Variants in TMEM18 observed in about 807,000 individuals in gnomAD.
TMEM18 encodes transmembrane protein 18.
In TMEM18, 14 loss-of-function variants were observed where a neutral mutation model predicts 17.4. The observed-to-expected ratio is 0.80, with a 90% CI of 0.53 to 1.25. The LOEUF is 1.25. Among genes scored for constraint, TMEM18 ranks in the 50% most tolerant of loss-of-function variants. The probability of loss-of-function intolerance (pLI) is 0.00; values close to 1 mark genes in which losing one functional copy is unlikely to be tolerated. For synonymous variants in TMEM18, 86 were observed against 66.1 expected (o/e 1.30, Z -1.46); for missense variants, 187 against 172.1 (o/e 1.09, Z -0.48).
rs145340899 is a variant in TMEM18 at position 669,841 on chromosome 2, C to T, written c.243G>A (p.Ser81=). The T allele has an allele frequency of 9.3e-5, 150 of 1,609,938 alleles. No individual in the cohort carries two copies. Among genetic ancestry groups the T allele is most frequent in the Admixed American group, 1.4e-4 (8 of 59,142 alleles). Residue 81 remains serine (S), a synonymous_variant, in exon 4 of 5, where the codon TCG becomes TCA. Transcript: ENST00000281017. The stretch of plus-strand genomic sequence containing the variant: ...CCCTGGAGTCGAAATACTGGTATTT[C>T]GAAAATAATCTGTTTAAAAAACAAA... ...EAAAMNWRLF[S]KYQYFDSRGM...
chr2:677,300 C>G lies in TMEM18; in HGVS notation c.46G>C (p.Ala16Pro). 6.2e-7 allele frequency: 1 copy of G among 1,612,078 alleles called. No individual in the cohort carries two copies. The highest frequency in any genetic ancestry group is 8.5e-7 in the Non-Finnish European group (1 of 1,179,748). ...SVSSFPVSIP[A>P]VLTQTDWTEP... ...GGGCCGCGAGTTACCGTGAGCACGGCTGGGATGCTGACGGGGAAAGAGCTG... is the reference window on the plus strand; with the variant it reads ...GGGCCGCGAGTTACCGTGAGCACGGGTGGGATGCTGACGGGGAAAGAGCTG... The change falls in exon 1 of 5, where the codon GCC becomes CCC. Residue 16 changes from alanine to proline, a missense_variant. Transcript: ENST00000281017.
rs1303198433 is a variant in TMEM18, at chr2:669,428, A to AGT, written c.*150_*151dup. On this transcript the variant is annotated 3_prime_UTR_variant, in exon 5 of 5. Transcript: ENST00000281017. The stretch of plus-strand genomic sequence containing the variant: ...CAGTGCTGGCTGAAAAGCCAACTTC[A>AGT]GTGTGTGCCCTACCACTGTGGATAT... The AGT allele has an allele frequency of 1.3e-6, 1 of 777,912 alleles. No individual in the cohort carries two copies. The highest frequency in any genetic ancestry group is 2.2e-6 in the Non-Finnish European group (1 of 463,534). The allele number at this position is 777,912 out of a possible 1,614,324, so 48.2% of individuals were successfully genotyped here.
rs1490992799 is a variant in TMEM18 at position 668,971 on chromosome 2, G to GC, written c.*608dup. 1 of 152,364 alleles carries GC rather than the reference G, an allele frequency of 6.6e-6. No individual in the cohort carries two copies. The highest frequency in any genetic ancestry group is 2.4e-5 in the African/African-American group (1 of 41,454). The allele number at this position is 152,364 out of a possible 1,614,324, so 9.4% of individuals were successfully genotyped here. ...AAGAGCTTCCTTCCAAGGTCTCTCTGCCCCAGCACAGCTGACATTTCATGT... is the reference window on the plus strand; with the variant it reads ...AAGAGCTTCCTTCCAAGGTCTCTCTGCCCCCAGCACAGCTGACATTTCATGT... On this transcript the variant is annotated 3_prime_UTR_variant, in exon 5 of 5. Coordinates refer to ENST00000281017, the MANE Select transcript of TMEM18 (RefSeq NM_152834.4).
rs1429856745 is a variant in TMEM18, at chr2:665,878, AC to A, written c.*3701del. On this transcript the variant is annotated 3_prime_UTR_variant, in exon 5 of 5. Coordinates refer to ENST00000281017, the MANE Select transcript of TMEM18 (RefSeq NM_152834.4). ...CCCCACTCACTCAGATGGAGCATCA[AC>A]CCCACACACAACAGGACTCATGGAG... Among the ~76,000 whole-genome samples, 2 of 152,148 alleles carry A rather than the reference AC, an allele frequency of 1.3e-5. No individual in the cohort carries two copies. The highest frequency in any genetic ancestry group is 4.8e-5 in the African/African-American group (2 of 41,406).
chr2:676,252 C>T, intron 1 of TMEM18: 1 of 1,430,168 alleles, frequency 7.0e-7, no homozygotes, highest in East Asian at 3.3e-5. Context: ...GGGACAGTGT[C>T]TGGCTCAGGG....
chr2:676,432 C>T, intron 1 of TMEM18: 1 of 1,320,782 alleles, frequency 7.6e-7, no homozygotes, highest in Non-Finnish European at 1.0e-6. Context: ...GCTGCAGCCC[C>T]GCCCTGCCCT....
Position 675,821 on chromosome 2 carries a change from C to A in TMEM18, c.58-191G>T, listed in dbSNP as rs1409215735. On this transcript the variant is annotated intron_variant, in intron 1 of 4. Coordinates refer to ENST00000281017, the MANE Select transcript of TMEM18 (RefSeq NM_152834.4). ...TGGGGACAGGAAAGGGAGAAGGAAC[C>A]AGGAGGATGGAAACAGGATTCTCCC... The A allele has an allele frequency of 3.9e-6, 6 of 1,528,610 alleles. No homozygotes were observed. In the South Asian group the frequency reaches 7.2e-5, roughly 18 times the overall value. The allele number at this position is 1,528,610 out of a possible 1,614,324, so 94.7% of individuals were successfully genotyped here.
chr2:665,209 G>A lies in TMEM18; in HGVS notation c.*4371C>T, dbSNP rs1678648081. Among the ~76,000 whole-genome samples the A allele has an allele frequency of 6.6e-6, 1 of 152,094 alleles. No homozygotes were observed. The highest frequency in any genetic ancestry group is 1.5e-5 in the Non-Finnish European group (1 of 68,022). Reference sequence around the variant, plus strand: ...CCCACATACAACAGAACCCAGAGATGCAGATGCCCCACTCACTCCGATAGA... The same window carrying A: ...CCCACATACAACAGAACCCAGAGATACAGATGCCCCACTCACTCCGATAGA... On this transcript the variant is annotated 3_prime_UTR_variant, in exon 5 of 5. Coordinates refer to ENST00000281017, the MANE Select transcript of TMEM18 (RefSeq NM_152834.4).
intron 1 of TMEM18, among the ~76,000 whole-genome samples, chr2:676,945 C>A (rs1659262261): frequency 6.6e-6 from 1 of 152,068 alleles, no homozygotes; most frequent in South Asian, 2.1e-4. Context: ...GCCCGGGCCA[C>A]AGAGCGCCGG....
At chr2:676,402 AG>A (rs1659216517) in intron 1 of TMEM18, 1 of 1,346,184 alleles carries the variant, frequency 7.4e-7, no homozygotes, top group Non-Finnish European at 1.0e-6. Flanking sequence ...TCCAAGCTGC[AG>A]CCCCGCCCTG....
Position 669,863 on chromosome 2 carries a change from CAAAAACA to C in TMEM18, c.234-20_234-14del. ...TTTCGAAAATAATCTGTTTAAAAAA[CAAAAACA>C]AAAAATTACTAGGCAATACAACCAA... On this transcript the variant is annotated splice_polypyrimidine_tract_variant and intron_variant, in intron 3 of 4. Coordinates refer to ENST00000281017, the MANE Select transcript of TMEM18 (RefSeq NM_152834.4). The C allele has an allele frequency of 3.1e-6, 5 of 1,597,102 alleles. No homozygotes were observed. Among genetic ancestry groups the C allele is most frequent in the Non-Finnish European group, 4.3e-6 (5 of 1,172,926 alleles).
intron 3 of TMEM18, among the ~76,000 whole-genome samples, chr2:672,491 C>T (rs759179457): frequency 1.1e-4 from 17 of 152,330 alleles, no homozygotes; most frequent in Middle Eastern, 3.4e-3. Context: ...TGGCTGAGGC[C>T]AGCGCGGACC....
chr2:676,461 C>G, intron 1 of TMEM18: 1 of 1,343,408 alleles, frequency 7.4e-7, no homozygotes, highest in Non-Finnish European at 9.9e-7. Context: ...CAGCCCGGCA[C>G]AGCCCTCCAG....
chr2:665,648 C>T lies in TMEM18; in HGVS notation c.*3932G>A, dbSNP rs1442767232. On this transcript the variant is annotated 3_prime_UTR_variant, in exon 5 of 5. Transcript: ENST00000281017. The stretch of plus-strand genomic sequence containing the variant: ...CCACTCACTCAGAGCAACAACCCCA[C>T]ATACAACAGAACCCAGAGATGCAGA... 6.6e-6 allele frequency among the ~76,000 whole-genome samples: 1 copy of T among 152,094 alleles called. No individual in the cohort carries two copies. Among genetic ancestry groups the T allele is most frequent in the Non-Finnish European group, 1.5e-5 (1 of 67,976 alleles).
rs1678708505 is a variant in TMEM18 at position 666,970 on chromosome 2, C to A, written c.*2610G>T. Among the ~76,000 whole-genome samples the A allele has an allele frequency of 6.6e-6, 1 of 151,256 alleles. No homozygotes were observed. The highest frequency in any genetic ancestry group is 2.4e-5 in the African/African-American group (1 of 41,178). On this transcript the variant is annotated 3_prime_UTR_variant, in exon 5 of 5. Transcript: ENST00000281017. ...GTCTGTCTTTAAGCATCCCACTCAA[C>A]TTCGCGCCACTGAAGCTCCTTACCC...
At chr2:677,234 C>T in intron 1 of TMEM18, 55 bp downstream of exon 1, 1 of 1,572,882 alleles carries the variant, frequency 6.4e-7, no homozygotes, top group Non-Finnish European at 8.6e-7. Context: ...GGGGCCTACC[C>T]TACGCCTCTC....
intron 3 of TMEM18, chr2:670,115 A>G: frequency 2.4e-6 from 1 of 422,266 alleles, no homozygotes; most frequent in Non-Finnish European, 4.2e-6. Flanking sequence ...GGCCTCCCCC[A>G]GCAGAGAGAC....
At chr2:673,261 C>A (rs1678901317) in intron 2 of TMEM18, among the ~76,000 whole-genome samples, 1 of 152,212 alleles carries the variant, frequency 6.6e-6, no homozygotes, top group South Asian at 2.1e-4. Context: ...AGCTGACAAC[C>A]AAGGGCTTTT....
chr2:676,663 G>A (rs1481316441), intron 1 of TMEM18: 3 of 1,547,546 alleles, frequency 1.9e-6, no homozygotes, highest in East Asian at 2.4e-5. Flanking sequence ...GGCCACGTGG[G>A]GCGTGGGCTC....
Sources: gnomAD v4.1 joint callset for allele counts (sites outside exome capture counted in the v4.1 genomes callset) on GRCh38, gnomAD v4.1.1 for gene constraint, MANE v1.5 for transcripts, NCBI Gene and HGNC (gene_info 2026-07-23, HGNC 2026-07-21) for gene names.